SOBP: variants seen among roughly 807,000 people sequenced by gnomAD.
The protein encoded by SOBP is sine oculis binding protein homolog, also known as sine oculis-binding protein homolog.
SOBP carries 4 observed loss-of-function variants against 53.6 expected under a neutral mutation model. The ratio of observed to expected loss-of-function variants is 0.07; its 90% confidence interval spans 0.04 to 0.17. The LOEUF is 0.17. Among genes scored for constraint, SOBP ranks in the 10% least tolerant of loss-of-function variants. The pLI is 1.00. For missense variants in SOBP, 1,088 were observed against 1,204.7 expected (o/e 0.90, Z 1.43); for synonymous variants, 584 against 522.6 (o/e 1.12, Z -1.60).
At chr6:107,639,402 A>G (rs1342065575) in intron 6 of SOBP, among the ~76,000 whole-genome samples, 1 of 152,106 alleles carries the variant, frequency 6.6e-6, no homozygotes, top group African/African-American at 2.4e-5. Flanking sequence ...GTGTGTTGAT[A>G]TGATTACAAA....
intron 6 of SOBP, among the ~76,000 whole-genome samples, chr6:107,645,540 A>AG (rs1661626306): frequency 1.3e-5 from 2 of 151,538 alleles, no homozygotes; most frequent in East Asian, 1.9e-4. Context: ...ACAAAAAAAA[A>AG]AGCCAAGGTC....
At chr6:107,536,579 C>A (rs1279263068) in intron 4 of SOBP, among the ~76,000 whole-genome samples, 2 of 152,210 alleles carry the variant, frequency 1.3e-5, no homozygotes, top group Non-Finnish European at 2.9e-5. Context: ...GAAAGTGTCA[C>A]ATACATCTCT....
intron 1 of SOBP, among the ~76,000 whole-genome samples, chr6:107,500,245 C>T (rs77688161): frequency 0.12 from 18,391 of 151,824 alleles, 1,438 homozygotes; most frequent in East Asian, 0.25. Context: ...AAAAATTAGC[C>T]GGGCATGGTG....
chr6:107,505,653 G>T (rs370269337), intron 2 of SOBP, among the ~76,000 whole-genome samples: 543 of 148,862 alleles, frequency 3.6e-3, no homozygotes, highest in Middle Eastern at 7.5e-3. Flanking sequence ...TTTGTTTTGT[G>T]TTGTTTTTGT....
intron 3 of SOBP, among the ~76,000 whole-genome samples, chr6:107,506,783 A>C (rs987115402): frequency 2.6e-5 from 4 of 152,152 alleles, no homozygotes; most frequent in Admixed American, 6.5e-5. Flanking sequence ...AAAAAAAAGT[A>C]ACCATGGTTG....
chr6:107,580,386 A>G (rs1248983460), intron 4 of SOBP, among the ~76,000 whole-genome samples: 2 of 152,244 alleles, frequency 1.3e-5, no homozygotes, highest in Non-Finnish European at 2.9e-5. Flanking sequence ...GAGTAGAGAA[A>G]AACAGAACAT....
intron 3 of SOBP, among the ~76,000 whole-genome samples, chr6:107,531,887 A>G (rs1783833069): frequency 6.6e-6 from 1 of 152,298 alleles, no homozygotes; most frequent in Non-Finnish European, 1.5e-5. Context: ...AAAATGCTGC[A>G]TATAGTTCTG....
At chr6:107,528,000 C>G (rs896664766) in intron 3 of SOBP, among the ~76,000 whole-genome samples, 1 of 152,168 alleles carries the variant, frequency 6.6e-6, no homozygotes, top group Non-Finnish European at 1.5e-5. Context: ...CTAGCTCTTT[C>G]CAAGGCTAGA....
intron 5 of SOBP, among the ~76,000 whole-genome samples, chr6:107,608,892 G>T (rs1052217255): frequency 1.3e-5 from 2 of 152,164 alleles, no homozygotes; most frequent in East Asian, 3.9e-4. Flanking sequence ...GAGTTTGTTC[G>T]ATTTGGCATC....
At chr6:107,638,084 C>A (rs912403853) in intron 6 of SOBP, among the ~76,000 whole-genome samples, 21 of 152,176 alleles carry the variant, frequency 1.4e-4, no homozygotes, top group African/African-American at 4.8e-4. Context: ...GAAAAACCAC[C>A]TCTCCTCCAC....
chr6:107,631,074 GATT>G (rs1433963061), intron 5 of SOBP, among the ~76,000 whole-genome samples: 2 of 152,082 alleles, frequency 1.3e-5, no homozygotes, highest in Admixed American at 6.6e-5. Context: ...ATTATATTTA[GATT>G]ATTATTATTT....
At chr6:107,524,202 G>T (rs367562575) in intron 3 of SOBP, among the ~76,000 whole-genome samples, 1 of 152,198 alleles carries the variant, frequency 6.6e-6, no homozygotes, top group Non-Finnish European at 1.5e-5. Context: ...GCAGGGCAAG[G>T]CCTCAGAATT....
rs1445991605 is a variant in SOBP at position 107,513,536 on chromosome 6, G to A, written c.421+7109G>A. Among the ~76,000 whole-genome samples, 3 of 152,174 alleles carry A rather than the reference G, an allele frequency of 2.0e-5. No homozygotes were observed. In the East Asian group the frequency reaches 5.8e-4, roughly 29 times the overall value. ...ATTATGGTCATTATTTATTTTATCT[G>A]TTATTCAATATTCTTGGGGCTTGCA... On this transcript the variant is annotated intron_variant, in intron 3 of 6. Transcript: ENST00000317357.
At chr6:107,559,577 T>A (rs1204518850) in intron 4 of SOBP, among the ~76,000 whole-genome samples, 1 of 152,254 alleles carries the variant, frequency 6.6e-6, no homozygotes, top group Non-Finnish European at 1.5e-5. Context: ...AGTCAGAGGA[T>A]CCTTAATCTC....
At chr6:107,653,387 C>T (rs1583315534) in intron 6 of SOBP, among the ~76,000 whole-genome samples, 1 of 152,206 alleles carries the variant, frequency 6.6e-6, no homozygotes, top group Non-Finnish European at 1.5e-5. Flanking sequence ...TCGTTATTGT[C>T]CCAGATAAAC....
At chr6:107,588,077 A>G (rs1243120161) in intron 5 of SOBP, among the ~76,000 whole-genome samples, 1 of 152,192 alleles carries the variant, frequency 6.6e-6, no homozygotes, top group East Asian at 1.9e-4. Context: ...AAAACACTGA[A>G]AGAGAATGAG....
chr6:107,542,296 G>T (rs1161770505), intron 4 of SOBP, among the ~76,000 whole-genome samples: 1 of 152,178 alleles, frequency 6.6e-6, no homozygotes, highest in Non-Finnish European at 1.5e-5. Flanking sequence ...GCTGGCAGCA[G>T]AGTGTCCTGT....
Position 107,490,498 on chromosome 6 carries a change from C to A in SOBP, c.-119C>A. 1.3e-6 allele frequency: 1 copy of A among 743,010 alleles called. No homozygotes were observed. Among genetic ancestry groups the A allele is most frequent in the Non-Finnish European group, 2.3e-6 (1 of 427,314 alleles). 46.0% of individuals were successfully genotyped at this position (743,010 alleles called of 1,614,324 possible). A position where few individuals can be genotyped will look rare whatever the true frequency, so the allele number is the denominator to read the frequency against. On this transcript the variant is annotated 5_prime_UTR_variant, in exon 1 of 7. Coordinates refer to ENST00000317357, the MANE Select transcript of SOBP (RefSeq NM_018013.4). ...GCGGCTCGGTCCGGCCCCGCCAGCA[C>A]CGCTACCTCCGCCAGCCTCGCCACC...
At chr6:107,521,749 A>G (rs1382661373) in intron 3 of SOBP, among the ~76,000 whole-genome samples, 1 of 152,064 alleles carries the variant, frequency 6.6e-6, no homozygotes, top group Non-Finnish European at 1.5e-5. Flanking sequence ...GGCTCCCTCC[A>G]TTCCCCCACT....
Sources: gnomAD v4.1 joint callset for allele counts (sites outside exome capture counted in the v4.1 genomes callset) on GRCh38, gnomAD v4.1.1 for gene constraint, MANE v1.5 for transcripts, NCBI Gene and HGNC (gene_info 2026-07-23, HGNC 2026-07-21) for gene names.